The following CCAR2 variants were observed in gnomAD, a reference collection of about 807,000 sequenced individuals.
CCAR2 encodes cell cycle and apoptosis regulator 2, also known as cell cycle and apoptosis regulator protein 2.
Under a neutral mutation model 108.1 loss-of-function variants are expected in CCAR2, and 21 were observed. The observed-to-expected ratio is 0.19, with a 90% CI of 0.14 to 0.28. The LOEUF (loss-of-function observed/expected upper bound fraction) is 0.28, where lower values mean the gene tolerates loss of function less well. Ranked by LOEUF, CCAR2 falls within the 10% of genes least tolerant of loss-of-function variation. The pLI is 1.00. For synonymous variants in CCAR2, 577 were observed against 472.8 expected (o/e 1.22, Z -2.86); for missense variants, 1,126 against 1,177.0 (o/e 0.96, Z 0.63).
Position 22,615,899 on chromosome 8 carries a change from G to C in CCAR2, c.1595G>C (p.Arg532Thr). ...GTGGAGGATCGGAGGCCAAAGGAAAGGATCTCTTTTGAGGCAGGTGTCAAG... is the reference window on the plus strand; with the variant it reads ...GTGGAGGATCGGAGGCCAAAGGAAACGATCTCTTTTGAGGCAGGTGTCAAG... The part of the protein sequence containing the change: ...GIVEDRRPKE[R>T]ISFEVMVLAE... Residue 532 changes from arginine to threonine, a missense_variant, in exon 13 of 21, where the codon AGG becomes ACG. By Grantham distance (71) the Arg-to-Thr change is moderately conservative. Transcript: ENST00000308511. The C allele has an allele frequency of 6.2e-7, 1 of 1,614,070 alleles. No homozygotes were observed. The highest frequency in any genetic ancestry group is 8.5e-7 in the Non-Finnish European group (1 of 1,180,024).
At chr8:22,618,242 C>T in intron 16 of CCAR2, 107 bp from the exon 17 acceptor site, 1 of 1,432,690 alleles carries the variant, frequency 7.0e-7, no homozygotes. Flanking sequence ...AGGCATGCAT[C>T]ACTGCATGTG....
In CCAR2 at chr8:22,614,475, C is replaced by A. The variant is rs199827847; in HGVS notation, c.1013C>A (p.Thr338Lys). 4 of 1,614,112 alleles carry A rather than the reference C, an allele frequency of 2.5e-6. No individual in the cohort carries two copies. The highest frequency in any genetic ancestry group is 3.4e-6 in the Non-Finnish European group (4 of 1,180,020). Residue 338 changes from threonine (T) to lysine (K), a missense_variant, in exon 10 of 21, where the codon ACG (threonine) becomes AAG (lysine). Physicochemically the swap from Thr to Lys is moderately conservative, Grantham distance 78 (BLOSUM62 -1). Coordinates refer to ENST00000308511, the MANE Select transcript of CCAR2 (RefSeq NM_001393997.1). The part of the protein sequence containing the change: ...FVDDMAEPRE[T>K]PEHPLKQIKF... ...GATGACATGGCTGAGCCAAGGGAGA[C>A]GCCAGAGCATCCTCTGAAGCAGATT...
rs552114967 is a variant in CCAR2 at position 22,614,407 on chromosome 8, C to T, written c.945C>T (p.Ser315=). 6.2e-7 allele frequency: 1 copy of T among 1,614,170 alleles called. No homozygotes were observed. Among genetic ancestry groups the T allele is most frequent in the East Asian group, 2.2e-5 (1 of 44,884 alleles). Reference sequence around the variant, plus strand: ...CTGCACAGGTACTGCTGCTCTCTTCCCCGGGGTTGGAGGAATTGTATCGTT... The same window carrying T: ...CTGCACAGGTACTGCTGCTCTCTTCTCCGGGGTTGGAGGAATTGTATCGTT... The part of the protein sequence containing the change: ...AYSSKVLLLS[S]PGLEELYRCC... The change falls in exon 10 of 21, where the codon TCC becomes TCT. Residue 315 remains serine (S), a synonymous_variant. Transcript: ENST00000308511.
chr8:22,615,049 G>T (rs199820834), intron 11 of CCAR2, 48 bp downstream of exon 11: 3 of 1,495,796 alleles, frequency 2.0e-6, no homozygotes, highest in East Asian at 2.5e-5. Context: ...CCAGGTTGGG[G>T]AGGTTTTGTT....
In CCAR2 at chr8:22,607,344, G is replaced by A. The variant is rs1249286083; in HGVS notation, c.487+19G>A. 1.2e-6 allele frequency: 2 copies of A among 1,607,008 alleles called. No homozygotes were observed. Among genetic ancestry groups the A allele is most frequent in the African/African-American group, 2.7e-5 (2 of 74,996 alleles). ...CAGAAGCGTGAGTACGAGTGGCACT[G>A]TTGTTGGGTGTGGCATTATGGGGTA... On this transcript the variant is annotated intron_variant, in intron 6 of 20. Transcript: ENST00000308511.
chr8:22,619,073 C>T, intron 19 of CCAR2, 58 bp downstream of exon 19: 1 of 1,599,642 alleles, frequency 6.3e-7, no homozygotes, highest in African/African-American at 1.3e-5. Flanking sequence ...AGGGAACCTG[C>T]TGCTTAGGCT....
chr8:22,607,711 G>A (rs1393157991), intron 6 of CCAR2, among the ~76,000 whole-genome samples: 19 of 152,076 alleles, frequency 1.2e-4, no homozygotes, highest in Admixed American at 9.8e-4. Context: ...TGCAAGCTCC[G>A]CCTCCTGGGT....
chr8:22,619,424 G>C (rs910322779), intron 20 of CCAR2, 69 bp downstream of exon 20: 2 of 1,517,420 alleles, frequency 1.3e-6, no homozygotes, highest in African/African-American at 1.4e-5. Flanking sequence ...CCAGAAGGGC[G>C]CTTGCCCGTG....
intron 7 of CCAR2, among the ~76,000 whole-genome samples, chr8:22,609,500 G>A (rs956992403): frequency 1.3e-5 from 2 of 152,106 alleles, no homozygotes; most frequent in African/African-American, 4.8e-5. Flanking sequence ...TTGCCATGGG[G>A]TTTCCACTGC....
intron 7 of CCAR2, among the ~76,000 whole-genome samples, chr8:22,611,870 T>C (rs1037763678): frequency 1.3e-5 from 2 of 152,130 alleles, no homozygotes; most frequent in African/African-American, 4.8e-5. Flanking sequence ...TTTTCAAGAG[T>C]GTAATTACTG....
At chr8:22,612,415 G>A (rs1446001130) in intron 7 of CCAR2, among the ~76,000 whole-genome samples, 5 of 151,666 alleles carry the variant, frequency 3.3e-5, no homozygotes, top group Admixed American at 3.3e-4. Flanking sequence ...CTGCAGGCAC[G>A]CACCACCAGG....
intron 7 of CCAR2, among the ~76,000 whole-genome samples, chr8:22,610,237 T>G (rs1470863865): frequency 6.6e-6 from 1 of 152,210 alleles, no homozygotes; most frequent in Admixed American, 6.5e-5. Flanking sequence ...TTTATTTATT[T>G]ATTTAGTTTC....
chr8:22,606,782 A>C, intron 4 of CCAR2, 84 bp downstream of exon 4: 1 of 1,471,066 alleles, frequency 6.8e-7, no homozygotes, highest in South Asian at 1.2e-5. Flanking sequence ...ACCCGCCTCA[A>C]AGCCATTGCT....
chr8:22,621,157 A>C, downstream of CCAR2: 1 of 446,070 alleles, frequency 2.2e-6, no homozygotes, highest in South Asian at 2.9e-5. Flanking sequence ...GCCGTGGGCC[A>C]GGATGCATGC....
At chr8:22,608,225 G>C in intron 7 of CCAR2, 160 bp downstream of exon 7, 1 of 600,440 alleles carries the variant, frequency 1.7e-6, no homozygotes, top group Non-Finnish European at 3.0e-6. Flanking sequence ...CTAGATCCTA[G>C]TCCCTTTTCT....
chr8:22,615,228 T>C lies in CCAR2; in HGVS notation c.1206-197T>C. ...GTTGTCCTTGCACCTTGTAGGGTGC[T>C]TGTGTGGTTGCGGCCTCCCCACTGA... On this transcript the variant is annotated intron_variant, in intron 11 of 20. Transcript: ENST00000308511. 13 of 843,670 alleles carry C rather than the reference T, an allele frequency of 1.5e-5. 1 individual carries two copies. The South Asian group carries it at 2.1e-4, about 14-fold the overall frequency. The allele number at this position is 843,670 out of a possible 1,614,324, so 52.3% of individuals were successfully genotyped here. A position where few individuals can be genotyped will look rare whatever the true frequency, so the allele number is the denominator to read the frequency against.
chr8:22,617,783 G>T lies in CCAR2; in HGVS notation c.2073+5G>T. On this transcript the variant is annotated splice_donor_5th_base_variant and intron_variant, in intron 16 of 20. Transcript: ENST00000308511. ...TTCTCTTCACTTCAGGACATGGTGAGGCCTCTTCTCGACCACTCTGGGTCT... is the reference window on the plus strand; with the variant it reads ...TTCTCTTCACTTCAGGACATGGTGATGCCTCTTCTCGACCACTCTGGGTCT... 6.2e-7 allele frequency: 1 copy of T among 1,613,126 alleles called. No individual in the cohort carries two copies. Among genetic ancestry groups the T allele is most frequent in the Non-Finnish European group, 8.5e-7 (1 of 1,179,912 alleles).
downstream of CCAR2, chr8:22,621,071 C>G (rs1025047455): frequency 2.8e-5 from 6 of 215,588 alleles, no homozygotes; most frequent in South Asian, 9.9e-5. Flanking sequence ...ATTTGATGCC[C>G]ACAACGCATG....
At chr8:22,605,132 AGCAGGAGGGTGGCGC>A (rs1801016438) in intron 1 of CCAR2, 1 of 212,634 alleles carries the variant, frequency 4.7e-6, no homozygotes, top group South Asian at 5.1e-5. Context: ...GGAGCGTGGG[AGCAGGAGGGTGGCGC>A]GCAGCCGGTT....
Sources: allele counts gnomAD v4.1 joint callset (sites outside exome capture counted in the v4.1 genomes callset), GRCh38; gene constraint gnomAD v4.1.1; transcripts MANE v1.5; gene names NCBI Gene and HGNC (gene_info 2026-07-23, HGNC 2026-07-21).